The following COL22A1 variants were observed in gnomAD, a reference collection of about 807,000 sequenced individuals.
The protein encoded by COL22A1 is collagen type XXII alpha 1 chain.
In COL22A1, 221 loss-of-function variants were observed where a neutral mutation model predicts 248.9. That is an observed-to-expected ratio of 0.89 (90% confidence interval 0.80 to 0.99). The LOEUF is 0.99. Among genes scored for constraint, COL22A1 ranks in the 50% least tolerant of loss-of-function variants. The probability of loss-of-function intolerance (pLI) is 0.00; values close to 1 mark genes in which losing one functional copy is unlikely to be tolerated. For synonymous variants in COL22A1, 891 were observed against 793.4 expected, an observed-to-expected ratio of 1.12 and a Z score of -2.07; for missense variants, 2,240 against 2,179.0, an observed-to-expected ratio of 1.03 and a Z score of -0.56.
Position 138,840,752 on chromosome 8 carries a change from C to T in COL22A1, c.733+3332G>A, listed in dbSNP as rs112280402. On this transcript the variant is annotated intron_variant, in intron 4 of 64. Coordinates refer to ENST00000303045, the MANE Select transcript of COL22A1 (RefSeq NM_152888.3). ...GGTATTTTTTGGTAGAGATGGGGCA[C>T]GCACCACCATAGTTGGCTGATTTTT... Among the ~76,000 whole-genome samples the T allele has an allele frequency of 6.6e-5, 10 of 152,048 alleles. No individual in the cohort carries two copies. In the South Asian group the frequency reaches 1.0e-3, roughly 16 times the overall value.
Position 138,616,998 on chromosome 8 carries a change from G to A in COL22A1, c.3826-40C>T, listed in dbSNP as rs376973216. Reference sequence around the variant, plus strand: ...ATGGAGTTATTCCATGATAGAGCAGGCTCTTGGGGCAGAAGTGGGCAGGCA... The same window carrying A: ...ATGGAGTTATTCCATGATAGAGCAGACTCTTGGGGCAGAAGTGGGCAGGCA... On this transcript the variant is annotated intron_variant, in intron 53 of 64. Coordinates refer to ENST00000303045, the MANE Select transcript of COL22A1 (RefSeq NM_152888.3). 43 of 1,611,924 alleles carry A rather than the reference G, an allele frequency of 2.7e-5. No individual in the cohort carries two copies. The African/African-American group carries it at 4.7e-4, about 17-fold the overall frequency.
chr8:138,868,525 G>T (rs1463736727), intron 3 of COL22A1, among the ~76,000 whole-genome samples: 1 of 152,154 alleles, frequency 6.6e-6, no homozygotes, highest in Non-Finnish European at 1.5e-5. Context: ...GAAACACTGT[G>T]CCAAGTGAAA....
chr8:138,606,339 T>C (rs1306465888), intron 58 of COL22A1, 42 bp downstream of exon 58: 3 of 1,570,062 alleles, frequency 1.9e-6, no homozygotes, highest in Non-Finnish European at 2.6e-6. Context: ...CATCACTACC[T>C]GGAGCCAGGT....
chr8:138,608,876 G>A (rs142049003), intron 56 of COL22A1, among the ~76,000 whole-genome samples: 204 of 152,254 alleles, frequency 1.3e-3, no homozygotes, highest in Non-Finnish European at 2.4e-3. Flanking sequence ...CAGAGTCTAC[G>A]CCTTGTCGTT....
intron 9 of COL22A1, among the ~76,000 whole-genome samples, chr8:138,811,528 C>T (rs1818225703): frequency 6.6e-6 from 1 of 152,112 alleles, no homozygotes; most frequent in Non-Finnish European, 1.5e-5. Flanking sequence ...GACTCAGTCA[C>T]CCCTGAGTGG....
intron 39 of COL22A1, among the ~76,000 whole-genome samples, chr8:138,682,027 C>A (rs1371918469): frequency 6.6e-6 from 1 of 152,160 alleles, no homozygotes; most frequent in African/African-American, 2.4e-5. Context: ...TCTGGAGCCT[C>A]ACATTTTCAT....
At chr8:138,858,634 G>A (rs1822222525) in intron 3 of COL22A1, among the ~76,000 whole-genome samples, 1 of 152,154 alleles carries the variant, frequency 6.6e-6, no homozygotes, top group Non-Finnish European at 1.5e-5. Flanking sequence ...TCCAAACCCT[G>A]AGCTTCTACA....
chr8:138,731,859 T>C (rs1410836327), intron 23 of COL22A1, among the ~76,000 whole-genome samples: 1 of 152,160 alleles, frequency 6.6e-6, no homozygotes, highest in Non-Finnish European at 1.5e-5. Context: ...GACCTTACCG[T>C]GAGGCTCAAT....
Position 138,833,141 on chromosome 8 carries a change from A to G in COL22A1, c.743T>C (p.Leu248Pro). ...GGTKEITGFD[L>P]MDLFSVKEIL... ...TTCCTTCACACTGAACAAATCCATCAGGTCAAAACCTGTACAAAGAGAAGA... is the reference window on the plus strand; with the variant it reads ...TTCCTTCACACTGAACAAATCCATCGGGTCAAAACCTGTACAAAGAGAAGA... The change falls in exon 5 of 65, where the codon CTG becomes CCG. Residue 248 changes from leucine (L) to proline (P), a missense_variant. Physicochemically the swap from Leu to Pro is moderately conservative, Grantham distance 98. Transcript: ENST00000303045. 1 of 1,610,806 alleles carries G rather than the reference A, an allele frequency of 6.2e-7. No individual in the cohort carries two copies. The highest frequency in any genetic ancestry group is 8.5e-7 in the Non-Finnish European group (1 of 1,176,864).
intron 44 of COL22A1, among the ~76,000 whole-genome samples, chr8:138,657,876 A>T (rs1823427919): frequency 6.6e-6 from 1 of 152,178 alleles, no homozygotes; most frequent in South Asian, 2.1e-4. Context: ...TCAAGGTGGG[A>T]CAGCTTGGTG....
intron 6 of COL22A1, among the ~76,000 whole-genome samples, chr8:138,824,537 G>C (rs6987627): frequency 0.081 from 12,339 of 152,212 alleles, 1,422 homozygotes; most frequent in African/African-American, 0.26. Context: ...AAAGTCCCTA[G>C]ACTGGCCTAC....
At chr8:138,804,169 T>C (rs1180165615) in intron 10 of COL22A1, among the ~76,000 whole-genome samples, 1 of 152,288 alleles carries the variant, frequency 6.6e-6, no homozygotes, top group East Asian at 1.9e-4. Context: ...ACATCACAAC[T>C]GGGCCTTGCA....
At chr8:138,662,980 T>C (rs1824106853) in intron 42 of COL22A1, among the ~76,000 whole-genome samples, 1 of 105,162 alleles carries the variant, frequency 9.5e-6, no homozygotes, top group South Asian at 3.1e-4. Context: ...CGTGCCACTG[T>C]ACTCCAGCCT....
intron 16 of COL22A1, among the ~76,000 whole-genome samples, chr8:138,767,757 G>A (rs1387702128): frequency 6.6e-6 from 1 of 152,080 alleles, no homozygotes; most frequent in Non-Finnish European, 1.5e-5. Context: ...CCAGGCCAAG[G>A]CCACTTGCTG....
At chr8:138,664,981 G>A (rs894087530) in intron 41 of COL22A1, among the ~76,000 whole-genome samples, 60 of 152,228 alleles carry the variant, frequency 3.9e-4, no homozygotes, top group African/African-American at 1.4e-3. Flanking sequence ...CACAGCCCAC[G>A]AGAATGTCCC....
intron 3 of COL22A1, among the ~76,000 whole-genome samples, chr8:138,864,827 C>CA (rs1822739786): frequency 6.6e-6 from 1 of 152,178 alleles, no homozygotes; most frequent in African/African-American, 2.4e-5. Flanking sequence ...AACCTGAGCA[C>CA]AGGCAGGAAG....
chr8:138,660,901 C>T (rs1279122638), intron 43 of COL22A1, among the ~76,000 whole-genome samples: 3 of 148,248 alleles, frequency 2.0e-5, no homozygotes, highest in East Asian at 3.9e-4. Flanking sequence ...GACACACAAA[C>T]ACACACATAC....
At chr8:138,912,989 G>A (rs191732288) in intron 1 of COL22A1, among the ~76,000 whole-genome samples, 1 of 152,252 alleles carries the variant, frequency 6.6e-6, no homozygotes, top group East Asian at 1.9e-4. Flanking sequence ...AGTGGCACAC[G>A]AAACTCTGGT....
At chr8:138,652,825 C>T (rs1292277537) in intron 45 of COL22A1, among the ~76,000 whole-genome samples, 2 of 132,182 alleles carry the variant, frequency 1.5e-5, no homozygotes, top group African/African-American at 2.8e-5. Context: ...AGGCTCACTG[C>T]AGCCTCCGCC....
Sources: allele counts gnomAD v4.1 joint callset (sites outside exome capture counted in the v4.1 genomes callset), GRCh38; gene constraint gnomAD v4.1.1; transcripts MANE v1.5; gene names NCBI Gene and HGNC (gene_info 2026-07-23, HGNC 2026-07-21).